ZNF331: variants seen among roughly 807,000 people sequenced by gnomAD.
The protein encoded by ZNF331 is zinc finger protein 331.
In ZNF331, 2 loss-of-function variants were observed where a neutral mutation model predicts 7.0. That is an observed-to-expected ratio of 0.29 (90% CI 0.12 to 0.90). The LOEUF (loss-of-function observed/expected upper bound fraction) is 0.90, where lower values mean the gene tolerates loss of function less well. Among genes scored for constraint, ZNF331 ranks in the 40% least tolerant of loss-of-function variants. The probability of loss-of-function intolerance (pLI) is 0.58; values close to 1 mark genes in which losing one functional copy is unlikely to be tolerated. For synonymous variants in ZNF331, 196 were observed against 205.4 expected (o/e 0.95, Z 0.39); for missense variants, 432 against 587.7 (o/e 0.74, Z 2.74).
intron 2 of ZNF331, among the ~76,000 whole-genome samples, chr19:53,548,254 C>T (rs1209945718): frequency 3.3e-5 from 5 of 152,156 alleles, no homozygotes; most frequent in South Asian, 4.1e-4. Flanking sequence ...ATTACAGGCG[C>T]GTGCCACCAC....
intron 2 of ZNF331, among the ~76,000 whole-genome samples, chr19:53,544,949 G>T (rs1247710633): frequency 6.6e-6 from 1 of 152,014 alleles, no homozygotes; most frequent in Admixed American, 6.6e-5. Flanking sequence ...GGCCAGGCTG[G>T]TGTCGAATTT....
the ZNF331 span, among the ~76,000 whole-genome samples, chr19:53,511,744 ATATT>A: frequency 6.6e-6 from 1 of 152,102 alleles, no homozygotes; most frequent in Non-Finnish European, 1.5e-5. Context: ...ATAAATATAT[ATATT>A]TATTTTTGCT....
intron 2 of ZNF331, among the ~76,000 whole-genome samples, chr19:53,529,454 G>A (rs979596416): frequency 6.6e-6 from 1 of 151,614 alleles, no homozygotes; most frequent in African/African-American, 2.4e-5. Context: ...TCAATTGATT[G>A]CATCAATGAC....
chr19:53,578,197 C>G lies in ZNF331; in HGVS notation c.*245C>G, dbSNP rs2090807544. The G allele has an allele frequency of 2.1e-6, 1 of 468,004 alleles. No homozygotes were observed. The highest frequency in any genetic ancestry group is 1.9e-5 in the African/African-American group (1 of 52,160). 29.0% of individuals were successfully genotyped at this position (468,004 alleles called of 1,614,324 possible). A position where few individuals can be genotyped will look rare whatever the true frequency, so the allele number is the denominator to read the frequency against. ...CACGCTGTATACGCCACCCACCCTG[C>G]TAGTGACTTAGTAGCCGTCTTGGTG... is the stretch of plus-strand genomic sequence containing the variant. On this transcript the variant is annotated 3_prime_UTR_variant, in exon 6 of 6. Coordinates refer to ENST00000449416, the MANE Select transcript of ZNF331 (RefSeq NM_001079906.2).
chr19:53,536,469 T>C (rs538411901), upstream of ZNF331: 2 of 152,384 alleles, frequency 1.3e-5, no homozygotes, highest in Admixed American at 6.5e-5. Flanking sequence ...AACCTACCCT[T>C]TTCCCTTGTT....
At chr19:53,564,031 CAAAAAA>C (rs57538972) in intron 3 of ZNF331, among the ~76,000 whole-genome samples, 2 of 75,602 alleles carry the variant, frequency 2.6e-5, no homozygotes, top group African/African-American at 6.0e-5. Flanking sequence ...GACTTCATCT[CAAAAAA>C]AAAAAAAAAA....
At position 53,576,134 on chromosome 19, in the gene ZNF331, G is replaced by A. The variant is rs570690139; in HGVS notation, c.137-563G>A. On this transcript the variant is annotated intron_variant, in intron 5 of 5. Coordinates refer to ENST00000449416, the MANE Select transcript of ZNF331 (RefSeq NM_001079906.2). ...CGAGTAGCTGGGATTACAGTCATGC[G>A]CCACCATGTCCGGCTAATTTTGTAT... 9.9e-5 allele frequency among the ~76,000 whole-genome samples: 15 copies of A among 152,106 alleles called. No homozygotes were observed. In the South Asian group the frequency reaches 1.9e-3, roughly 19 times the overall value.
chr19:53,545,774 A>C (rs950540213), intron 2 of ZNF331, among the ~76,000 whole-genome samples: 7 of 152,168 alleles, frequency 4.6e-5, no homozygotes, highest in Non-Finnish European at 7.3e-5. Context: ...GAACCAACAC[A>C]AAGGGCACAG....
upstream of ZNF331, among the ~76,000 whole-genome samples, chr19:53,533,747 T>C (rs2087631993): frequency 6.6e-6 from 1 of 152,222 alleles, no homozygotes; most frequent in South Asian, 2.1e-4. Flanking sequence ...AATGACTTTC[T>C]TTCTCTTCTT....
chr19:53,521,522 G>C (rs1274739888), exon 1 of ZNF331: 1 of 152,240 alleles, frequency 6.6e-6, no homozygotes. Context: ...TGACACAGGT[G>C]TGTGTAGACG....
chr19:53,559,850 A>G (rs1007802072), intron 3 of ZNF331, among the ~76,000 whole-genome samples: 1 of 151,480 alleles, frequency 6.6e-6, no homozygotes, highest in Non-Finnish European at 1.5e-5. Flanking sequence ...ACATATACAC[A>G]TATACATACC....
chr19:53,536,899 G>A (rs185810379), upstream of ZNF331, among the ~76,000 whole-genome samples: 8 of 152,078 alleles, frequency 5.3e-5, no homozygotes, highest in African/African-American at 7.2e-5. Context: ...GCGAAACTCC[G>A]TCTCAAAACA....
upstream of ZNF331, among the ~76,000 whole-genome samples, chr19:53,514,547 A>G (rs1322035768): frequency 6.6e-6 from 1 of 152,174 alleles, no homozygotes. Flanking sequence ...CACATGGACT[A>G]AAACCACATC....
At chr19:53,553,414 T>C (rs1326986960) in intron 2 of ZNF331, among the ~76,000 whole-genome samples, 1 of 152,180 alleles carries the variant, frequency 6.6e-6, no homozygotes, top group Non-Finnish European at 1.5e-5. Context: ...TGTAACCAGG[T>C]GAAAGATACA....
In ZNF331 at chr19:53,558,004, A is replaced by ATCT. The variant is rs1479676465; in HGVS notation, c.-74+2096_-74+2097insTCT. Among the ~76,000 whole-genome samples the ATCT allele has an allele frequency of 3.3e-5, 5 of 152,126 alleles. No homozygotes were observed. In the South Asian group the frequency reaches 8.3e-4, roughly 25 times the overall value. ...CTTTGTGACTAAATGTGTGGGGAGA[A>ATCT]GCAAGCTGTAGTGGACATCAGCCGG... On this transcript the variant is annotated intron_variant, in intron 3 of 5. Transcript: ENST00000449416. This position sits in a 1 kb window ranked among gnomAD's most constrained non-coding sequence, Gnocchi z 4.5.
chr19:53,566,324 G>C (rs1472774724), intron 3 of ZNF331, among the ~76,000 whole-genome samples: 1 of 151,954 alleles, frequency 6.6e-6, no homozygotes, highest in African/African-American at 2.4e-5. Context: ...TCAGAGTTTT[G>C]CTCTTTCGTC....
At chr19:53,516,445 T>C (rs2086906020), upstream of ZNF331, among the ~76,000 whole-genome samples, 1 of 104,364 alleles carries the variant, frequency 9.6e-6, no homozygotes, top group East Asian at 2.5e-4. Flanking sequence ...CGAGACTCCA[T>C]CTCAAAAAAA....
At position 53,577,080 on chromosome 19, in the gene ZNF331, C is replaced by A. The variant is rs746488965; in HGVS notation, c.520C>A (p.Leu174Ile). Residue 174 changes from leucine to isoleucine, a missense_variant, in exon 6 of 6, where the codon CTT (leucine) becomes ATT (isoleucine). Around this residue, in one of 3 missense-constraint regions of ZNF331, gnomAD observed 312 missense variants for 448.6 expected, o/e 0.70. Coordinates refer to ENST00000449416, the MANE Select transcript of ZNF331 (RefSeq NM_001079906.2). ...CKKAFRWGNQ[L>I]TQHQKIHTGE... ...GAAGGCCTTCCGTTGGGGCAATCAG[C>A]TTACTCAACATCAAAAAATTCATAC... 1.2e-6 allele frequency: 2 copies of A among 1,614,138 alleles called. No homozygotes were observed. Among genetic ancestry groups the A allele is most frequent in the Non-Finnish European group, 1.7e-6 (2 of 1,180,030 alleles).
rs1215866787 is a variant in ZNF331 at position 53,560,391 on chromosome 19, A to G, written c.-74+4483A>G. On this transcript the variant is annotated intron_variant, in intron 3 of 5. Transcript: ENST00000449416. This position sits in a 1 kb window ranked among gnomAD's most constrained non-coding sequence, Gnocchi z 4.3. ...CACCCACAGATAGACACACATATAC[A>G]CAAACATACACACAATTATATCACA... 6.6e-6 allele frequency among the ~76,000 whole-genome samples: 1 copy of G among 152,120 alleles called. No homozygotes were observed. Among genetic ancestry groups the G allele is most frequent in the Non-Finnish European group, 1.5e-5 (1 of 68,014 alleles).
Sources: gnomAD v4.1 joint callset for allele counts (sites outside exome capture counted in the v4.1 genomes callset) on GRCh38, gnomAD v4.1.1 for gene constraint, gnomAD v4.1.1 regional missense constraint, Gnocchi (gnomAD v3.1) non-coding constraint, MANE v1.5 for transcripts, NCBI Gene and HGNC (gene_info 2026-07-23, HGNC 2026-07-21) for gene names.